Variants in QTGAL observed in about 807,000 individuals in gnomAD.
QTGAL encodes BGnT-like protein 1.
At chr17:83,045,249 G>A in the QTGAL span, among the ~76,000 whole-genome samples, 6,164 of 152,252 alleles carry the variant, frequency 0.04, 346 homozygotes, top group Admixed American at 0.1. Flanking sequence ...ATAGACCAAC[G>A]GAATAGAATC....
At chr17:83,007,151 G>A in the QTGAL span, 6 of 907,778 alleles carry the variant, frequency 6.6e-6, no homozygotes, top group East Asian at 3.6e-4. Context: ...TGGAACAAAC[G>A]TGCTCGGCCA....
the QTGAL span, among the ~76,000 whole-genome samples, chr17:83,029,657 G>A: frequency 2.0e-5 from 3 of 152,188 alleles, no homozygotes; most frequent in African/African-American, 7.2e-5. Context: ...GATTGGCTAT[G>A]TCTGCCTTTC....
chr17:82,958,802 T>TGTGTGTGTATACTGTGTGGGGGTGTATG, the QTGAL span, among the ~76,000 whole-genome samples: 1 of 129,286 alleles, frequency 7.7e-6, no homozygotes, highest in African/African-American at 2.6e-5. Context: ...AGCATGTGTG[T>TGTGTGTGTATACTGTGTGGGGGTGTATG]GTGTGTGTAT....
the QTGAL span, chr17:82,957,052 T>C: frequency 7.6e-7 from 1 of 1,314,642 alleles, no homozygotes; most frequent in Non-Finnish European, 1.1e-6. Context: ...GGGGCTGGGC[T>C]CCCTGGAGGC....
At chr17:82,998,254 C>A in the QTGAL span, among the ~76,000 whole-genome samples, 1 of 152,074 alleles carries the variant, frequency 6.6e-6, no homozygotes, top group East Asian at 1.9e-4. Context: ...TTACTATGTA[C>A]CCACAATAAT....
chr17:82,956,004 G>T, the QTGAL span, among the ~76,000 whole-genome samples: 2 of 152,006 alleles, frequency 1.3e-5, no homozygotes, highest in South Asian at 2.1e-4. This position sits in a 1 kb window ranked among gnomAD's most constrained non-coding sequence, Gnocchi z 5.7. Context: ...GTTGGAGGGT[G>T]GGGGGCAAGG....
chr17:83,029,638 G>T, the QTGAL span, among the ~76,000 whole-genome samples: 76 of 152,302 alleles, frequency 5.0e-4, 1 homozygote, highest in South Asian at 0.016. Flanking sequence ...GAAGCAAAAA[G>T]AATTCGCAGA....
the QTGAL span, among the ~76,000 whole-genome samples, chr17:82,958,237 A>G: frequency 2.0e-5 from 3 of 152,188 alleles, no homozygotes; most frequent in Non-Finnish European, 4.4e-5. Context: ...GCAGAGGCCA[A>G]CGGGGCCAGA....
chr17:82,993,106 G>A, the QTGAL span, among the ~76,000 whole-genome samples: 2 of 152,050 alleles, frequency 1.3e-5, no homozygotes, highest in African/African-American at 4.8e-5. Flanking sequence ...AATGGCAGGA[G>A]TAAGTCCTTA....
the QTGAL span, among the ~76,000 whole-genome samples, chr17:83,028,086 G>A: frequency 1.3e-5 from 2 of 152,162 alleles, no homozygotes; most frequent in African/African-American, 4.8e-5. Context: ...ACTCCAGCCT[G>A]AGCGACAGAG....
At chr17:82,959,726 C>T in the QTGAL span, among the ~76,000 whole-genome samples, 51 of 151,966 alleles carry the variant, frequency 3.4e-4, no homozygotes, top group Middle Eastern at 6.8e-3. Context: ...GTGGGTGGCA[C>T]GCGAGGTTTG....
chr17:83,005,812 G>T, the QTGAL span: 1 of 1,181,114 alleles, frequency 8.5e-7, no homozygotes, highest in Non-Finnish European at 1.1e-6. This position sits in a 1 kb window ranked among gnomAD's most constrained non-coding sequence, Gnocchi z 5.6. Context: ...CAGAGCCTCA[G>T]AGCATCACCT....
chr17:82,942,322 G>T, the QTGAL span: 1 of 1,387,630 alleles, frequency 7.2e-7, no homozygotes, highest in East Asian at 2.3e-5. Flanking sequence ...TGTGGGAAAC[G>T]GCACAAATGG....
At chr17:83,037,192 C>T in the QTGAL span, among the ~76,000 whole-genome samples, 2 of 152,176 alleles carry the variant, frequency 1.3e-5, no homozygotes, top group African/African-American at 2.4e-5. The surrounding 1 kb of genome is among the most constrained non-coding windows in gnomAD (Gnocchi z 5.2). Context: ...GTGTGCATTT[C>T]GGCCACACCC....
the QTGAL span, among the ~76,000 whole-genome samples, chr17:83,000,861 G>A: frequency 6.6e-6 from 1 of 152,256 alleles, no homozygotes; most frequent in African/African-American, 2.4e-5. Flanking sequence ...GGCCAGACCA[G>A]TGAAGCACAC....
chr17:83,008,501 C>T, the QTGAL span, among the ~76,000 whole-genome samples: 4 of 152,176 alleles, frequency 2.6e-5, no homozygotes, highest in African/African-American at 9.6e-5. Context: ...GGGGGCTGTG[C>T]TCCCTAAGTT....
the QTGAL span, among the ~76,000 whole-genome samples, chr17:82,968,231 C>G: frequency 6.6e-6 from 1 of 152,190 alleles, no homozygotes. Context: ...TTCACGGCAG[C>G]TCCACGCACA....
chr17:82,989,283 G>A, the QTGAL span, among the ~76,000 whole-genome samples: 1 of 151,980 alleles, frequency 6.6e-6, no homozygotes, highest in East Asian at 1.9e-4. Context: ...CTCATAAGTG[G>A]GAGCTGAACA....
At chr17:82,962,008 G>T in the QTGAL span, among the ~76,000 whole-genome samples, 1 of 151,010 alleles carries the variant, frequency 6.6e-6, no homozygotes, top group South Asian at 2.1e-4. Context: ...GTGGAGTCTG[G>T]TCTCCTCGTG....
Sources: allele counts gnomAD v4.1 joint callset (sites outside exome capture counted in the v4.1 genomes callset), GRCh38; gene constraint gnomAD v4.1.1; non-coding constraint Gnocchi (gnomAD v3.1); transcripts MANE v1.5; gene names NCBI Gene and HGNC (gene_info 2026-07-23, HGNC 2026-07-21).